The following EXOC4 variants were observed in gnomAD, a reference collection of about 807,000 sequenced individuals.
EXOC4 encodes SEC8-like 1.
EXOC4 carries 71 observed loss-of-function variants against 107.2 expected under a neutral mutation model. That is an observed-to-expected ratio of 0.66 (90% confidence interval 0.55 to 0.81). The LOEUF (loss-of-function observed/expected upper bound fraction) is 0.81. Ranked by LOEUF, EXOC4 falls within the 30% of genes least tolerant of loss-of-function variation. The probability of loss-of-function intolerance (pLI) is 0.00; values close to 1 mark genes in which losing one functional copy is unlikely to be tolerated. For synonymous variants in EXOC4, 456 were observed against 441.2 expected, an observed-to-expected ratio of 1.03 and a Z score of -0.42; for missense variants, 1,108 against 1,189.6, an observed-to-expected ratio of 0.93 and a Z score of 1.01.
rs569705923 is a variant in EXOC4, at chr7:133,387,346, G to A, written c.1182+12344G>A. ...GAATTATGAAACTTCATAAATATGG[G>A]AAGGTGCTTTAATGTACATTACTAT... On this transcript the variant is annotated intron_variant, in intron 7 of 17. Transcript: ENST00000253861. Among the ~76,000 whole-genome samples the A allele has an allele frequency of 5.0e-4, 76 of 152,284 alleles. 1 individual carries two copies. Among genetic ancestry groups the A allele is most frequent in the African/African-American group, 1.8e-3 (75 of 41,570 alleles).
At chr7:133,794,073 T>C (rs1007969832) in intron 10 of EXOC4, among the ~76,000 whole-genome samples, 2 of 152,142 alleles carry the variant, frequency 1.3e-5, no homozygotes, top group Non-Finnish European at 2.9e-5. Context: ...TGAGAACTGA[T>C]TGAAGAGGTA....
chr7:134,021,354 A>G (rs1795023690), intron 17 of EXOC4, among the ~76,000 whole-genome samples: 1 of 152,190 alleles, frequency 6.6e-6, no homozygotes, highest in African/African-American at 2.4e-5. Context: ...TGCTCACCAC[A>G]CGTACAGGAG....
chr7:133,624,158 A>G (rs1802398356), intron 9 of EXOC4, among the ~76,000 whole-genome samples: 1 of 152,234 alleles, frequency 6.6e-6, no homozygotes, highest in South Asian at 2.1e-4. Flanking sequence ...TTTAAAAATC[A>G]GGACACATTA....
intron 9 of EXOC4, among the ~76,000 whole-genome samples, chr7:133,624,442 G>A (rs1157691507): frequency 1.3e-5 from 2 of 152,086 alleles, no homozygotes; most frequent in Non-Finnish European, 2.9e-5. Context: ...GATGAACCAG[G>A]TATGGTGGTG....
chr7:133,349,567 A>G (rs1383242847), intron 5 of EXOC4, among the ~76,000 whole-genome samples: 1 of 151,900 alleles, frequency 6.6e-6, no homozygotes, highest in African/African-American at 2.4e-5. Context: ...GTGTTGATGG[A>G]CTCTTGAGTT....
intron 10 of EXOC4, among the ~76,000 whole-genome samples, chr7:133,755,510 A>C (rs757700103): frequency 1.1e-4 from 16 of 149,312 alleles, no homozygotes; most frequent in Non-Finnish European, 1.8e-4. Flanking sequence ...CGCTCAGTTA[A>C]TTTTTGTATT....
chr7:133,802,799 G>T (rs1654861903), intron 10 of EXOC4, among the ~76,000 whole-genome samples: 1 of 133,120 alleles, frequency 7.5e-6, no homozygotes, highest in South Asian at 2.4e-4. Flanking sequence ...AGTGAGCCAA[G>T]ATCATGCCAC....
intron 10 of EXOC4, among the ~76,000 whole-genome samples, chr7:133,754,138 T>C (rs1795849650): frequency 1.3e-5 from 2 of 152,098 alleles, no homozygotes; most frequent in Admixed American, 6.5e-5. Flanking sequence ...TCAGTAAGGC[T>C]GAGATGAGGG....
At chr7:133,317,675 T>A (rs1000545907) in intron 5 of EXOC4, among the ~76,000 whole-genome samples, 2 of 151,992 alleles carry the variant, frequency 1.3e-5, no homozygotes, top group Non-Finnish European at 2.9e-5. Flanking sequence ...ACTGTTTTTC[T>A]TTCTTTCTTT....
At chr7:133,537,925 T>C (rs2150928003) in intron 9 of EXOC4, among the ~76,000 whole-genome samples, 1 of 152,356 alleles carries the variant, frequency 6.6e-6, no homozygotes, top group Non-Finnish European at 1.5e-5. Flanking sequence ...TATTTTTGGT[T>C]CATTTTGTTT....
intron 9 of EXOC4, chr7:133,576,943 T>A: frequency 9.1e-7 from 1 of 1,102,082 alleles, no homozygotes; most frequent in South Asian, 1.3e-5. Flanking sequence ...TGCATGTGTG[T>A]ATGTGGGTAG....
chr7:134,018,621 C>CT (rs532504690), intron 17 of EXOC4, among the ~76,000 whole-genome samples: 222 of 151,300 alleles, frequency 1.5e-3, no homozygotes, highest in African/African-American at 5.0e-3. Flanking sequence ...TTTTATAATC[C>CT]TTTTTTTTTA....
intron 2 of EXOC4, among the ~76,000 whole-genome samples, chr7:133,278,342 A>G (rs1023597006): frequency 1.3e-5 from 2 of 152,228 alleles, no homozygotes; most frequent in Non-Finnish European, 1.5e-5. Flanking sequence ...GAGACAGACT[A>G]CAGACTATAA....
chr7:133,297,345 T>C lies in EXOC4; in HGVS notation c.471+8229T>C, dbSNP rs144882071. 1.7e-4 allele frequency among the ~76,000 whole-genome samples: 26 copies of C among 152,294 alleles called. No individual in the cohort carries two copies. In the East Asian group the frequency reaches 4.6e-3, roughly 27 times the overall value. ...AGAACTGTCATTTTGTTGCTCTGATTTGTGCATCTTTGCTGTGGGTCCTGA... is the reference window on the plus strand; with the variant it reads ...AGAACTGTCATTTTGTTGCTCTGATCTGTGCATCTTTGCTGTGGGTCCTGA... On this transcript the variant is annotated intron_variant, in intron 3 of 17. Transcript: ENST00000253861.
At chr7:133,254,712 C>G (rs113419704) in intron 1 of EXOC4, among the ~76,000 whole-genome samples, 191 of 152,142 alleles carry the variant, frequency 1.3e-3, no homozygotes, top group African/African-American at 4.5e-3. Flanking sequence ...GTATAGTTTA[C>G]CTGGGGGATA....
At chr7:134,016,666 C>G (rs756841786) in intron 17 of EXOC4, among the ~76,000 whole-genome samples, 198 of 152,236 alleles carry the variant, frequency 1.3e-3, no homozygotes, top group Non-Finnish European at 2.3e-3. Flanking sequence ...CTTGTACCTT[C>G]ACTAAGGCCA....
chr7:133,307,501 G>A (rs888175001), intron 4 of EXOC4, among the ~76,000 whole-genome samples: 2 of 152,114 alleles, frequency 1.3e-5, no homozygotes, highest in Non-Finnish European at 2.9e-5. Flanking sequence ...GGGAAAATGA[G>A]CATTATTTGA....
intron 11 of EXOC4, among the ~76,000 whole-genome samples, chr7:133,839,645 C>T (rs1306546435): frequency 1.3e-5 from 2 of 152,148 alleles, no homozygotes; most frequent in African/African-American, 4.8e-5. Flanking sequence ...AGGTATCAGC[C>T]ATGGAGGACT....
intron 3 of EXOC4, among the ~76,000 whole-genome samples, chr7:133,290,721 A>G (rs1794385437): frequency 6.6e-6 from 1 of 152,222 alleles, no homozygotes; most frequent in African/African-American, 2.4e-5. Context: ...ATCAATAATG[A>G]ATACTGTCCC....
Sources: gnomAD v4.1 joint callset for allele counts (sites outside exome capture counted in the v4.1 genomes callset) on GRCh38, gnomAD v4.1.1 for gene constraint, MANE v1.5 for transcripts, NCBI Gene and HGNC (gene_info 2026-07-23, HGNC 2026-07-21) for gene names.